Variants in ZFHX3 observed in about 807,000 individuals in gnomAD.
ZFHX3 encodes zinc finger homeobox 3.
Under a neutral mutation model 279.1 loss-of-function variants are expected in ZFHX3, and 42 were observed. The observed-to-expected ratio is 0.15, with a 90% CI of 0.12 to 0.19. ZFHX3 has a LOEUF of 0.19. ZFHX3 is among the 10% of genes least tolerant of loss of function. The pLI, the probability that ZFHX3 is intolerant of heterozygous loss-of-function variation, is 1.00. For synonymous variants in ZFHX3, 2,293 were observed against 1,957.8 expected (o/e 1.17, Z -4.52); for missense variants, 4,981 against 4,754.0 (o/e 1.05, Z -1.40).
Position 73,647,727 on chromosome 16 carries a change from G to A in ZFHX3, c.-1547+32453C>T, listed in dbSNP as rs937636979. 2.0e-5 allele frequency among the ~76,000 whole-genome samples: 3 copies of A among 151,572 alleles called. No individual in the cohort carries two copies. In the East Asian group the frequency reaches 5.8e-4, roughly 29 times the overall value. Reference sequence around the variant, plus strand: ...ATTTTCCAGTTTAGAGTCAAGAAAAGCAGAAGAGAAAAAAAAACAAAAAAG... The same window carrying A: ...ATTTTCCAGTTTAGAGTCAAGAAAAACAGAAGAGAAAAAAAAACAAAAAAG... On this transcript the variant is annotated intron_variant, in intron 2 of 17. Coordinates refer to the ZFHX3 transcript ENST00000641206.
chr16:73,435,721 T>C (rs2017985334), intron 3 of ZFHX3, among the ~76,000 whole-genome samples: 1 of 152,216 alleles, frequency 6.6e-6, no homozygotes, highest in Non-Finnish European at 1.5e-5. Context: ...TCTCACCTGC[T>C]ATCCTAGAAC....
chr16:73,842,124 G>A (rs1258429890), intron 1 of ZFHX3, among the ~76,000 whole-genome samples: 2 of 151,960 alleles, frequency 1.3e-5, no homozygotes, highest in Non-Finnish European at 2.9e-5. Flanking sequence ...GCTGAGGCAG[G>A]AGAATCACTT....
chr16:73,217,582 G>C (rs1429911521), intron 5 of ZFHX3, among the ~76,000 whole-genome samples: 2 of 152,160 alleles, frequency 1.3e-5, no homozygotes, highest in Non-Finnish European at 1.5e-5. Flanking sequence ...CTTTGCAAAT[G>C]TCAAGTGCCT....
rs1567550649 is a variant in ZFHX3 at position 73,682,932 on chromosome 16, A to AAG, written c.-1607-2694_-1607-2693dup. Reference sequence around the variant, plus strand: ...AGAAAGAAAGAGAGAAAGAGAAAGAAAGAAAGAAAGAAAGAAAGAAAGAAA... The same window carrying AAG: ...AGAAAGAAAGAGAGAAAGAGAAAGAAAGAGAAAGAAAGAAAGAAAGAAAGAAA... On this transcript the variant is annotated intron_variant, in intron 1 of 17. Transcript: ENST00000641206. Among the ~76,000 whole-genome samples, 23 of 17,672 alleles carry AAG rather than the reference A, an allele frequency of 1.3e-3. 1 individual carries two copies. The highest frequency in any genetic ancestry group is 2.5e-3 in the South Asian group (1 of 398). 11.6% of individuals were successfully genotyped at this position (17,672 alleles called of 152,430 possible).
intron 2 of ZFHX3, among the ~76,000 whole-genome samples, chr16:73,657,968 G>T (rs541540432): frequency 6.6e-6 from 1 of 152,250 alleles, no homozygotes; most frequent in South Asian, 2.1e-4. Context: ...GTTGACGAAT[G>T]GAATTAATGC....
At chr16:73,751,713 A>G (rs1257061009) in intron 1 of ZFHX3, among the ~76,000 whole-genome samples, 1 of 152,188 alleles carries the variant, frequency 6.6e-6, no homozygotes, top group African/African-American at 2.4e-5. Flanking sequence ...AGAGAATCAT[A>G]AAGTAGGAGC....
At chr16:73,036,426 A>T (rs977864131) in intron 1 of ZFHX3, among the ~76,000 whole-genome samples, 1 of 152,156 alleles carries the variant, frequency 6.6e-6, no homozygotes, top group Non-Finnish European at 1.5e-5. Flanking sequence ...TGTGGGGGGA[A>T]AAGGAGTTTA....
At chr16:73,259,542 T>C (rs945623927) in intron 4 of ZFHX3, among the ~76,000 whole-genome samples, 65 of 152,358 alleles carry the variant, frequency 4.3e-4, no homozygotes, top group African/African-American at 1.4e-3. Context: ...AATATACGAA[T>C]GCATTTTGTA....
chr16:73,174,876 A>G (rs2144871622), intron 5 of ZFHX3, among the ~76,000 whole-genome samples: 1 of 150,668 alleles, frequency 6.6e-6, no homozygotes, highest in Non-Finnish European at 1.5e-5. Context: ...AAAAAAAAAA[A>G]AAAAAAAATT....
chr16:73,025,017 A>G (rs1374745304), intron 1 of ZFHX3, among the ~76,000 whole-genome samples: 3 of 152,170 alleles, frequency 2.0e-5, no homozygotes, highest in African/African-American at 7.2e-5. Context: ...CCTCTCCCAC[A>G]TATGATCTCC....
At chr16:73,591,429 C>A (rs2051994973) in intron 2 of ZFHX3, among the ~76,000 whole-genome samples, 1 of 151,714 alleles carries the variant, frequency 6.6e-6, no homozygotes, top group South Asian at 2.1e-4. Flanking sequence ...TGCGGTGGCT[C>A]ATGCCTGTAA....
chr16:72,886,897 G>C (rs1356683617), intron 4 of ZFHX3, among the ~76,000 whole-genome samples: 2 of 152,158 alleles, frequency 1.3e-5, no homozygotes, highest in Non-Finnish European at 2.9e-5. Context: ...TAGACGGATG[G>C]GATCAGAGGC....
intron 4 of ZFHX3, among the ~76,000 whole-genome samples, chr16:73,316,923 G>C (rs1405480069): frequency 6.6e-6 from 1 of 152,088 alleles, no homozygotes; most frequent in African/African-American, 2.4e-5. Context: ...GCTGATTTTG[G>C]TATCATGCTG....
chr16:73,753,260 C>A (rs914116284), intron 1 of ZFHX3, among the ~76,000 whole-genome samples: 1 of 152,062 alleles, frequency 6.6e-6, no homozygotes, highest in Non-Finnish European at 1.5e-5. Flanking sequence ...CAGGATCTGG[C>A]CCAGACAGGA....
At chr16:72,833,024 A>C (rs1267549966) in intron 4 of ZFHX3, among the ~76,000 whole-genome samples, 1 of 152,244 alleles carries the variant, frequency 6.6e-6, no homozygotes, top group Non-Finnish European at 1.5e-5. Flanking sequence ...TGATTAAAAA[A>C]CAGAGATGCA....
chr16:73,620,998 G>A (rs1186979262), intron 2 of ZFHX3, among the ~76,000 whole-genome samples: 1 of 152,160 alleles, frequency 6.6e-6, no homozygotes, highest in African/African-American at 2.4e-5. Context: ...TGGTCTCCTT[G>A]GGGGAAAAAT....
Position 73,855,620 on chromosome 16 carries a change from A to G in ZFHX3, c.-1608+36031T>C, listed in dbSNP as rs1208608583. ...TACCTTATAATTAATGCAACTTTAT[A>G]GACAAGAGTGAAAAACACAGATTTA... On this transcript the variant is annotated intron_variant, in intron 1 of 17. Transcript: ENST00000641206. 2.6e-5 allele frequency among the ~76,000 whole-genome samples: 4 copies of G among 152,242 alleles called. No homozygotes were observed. In the East Asian group the frequency reaches 7.7e-4, roughly 29 times the overall value.
At chr16:73,790,500 T>C (rs1959791919) in intron 1 of ZFHX3, among the ~76,000 whole-genome samples, 1 of 152,228 alleles carries the variant, frequency 6.6e-6, no homozygotes, top group Admixed American at 6.5e-5. Context: ...ATTTCAACTT[T>C]AAACATTATT....
At chr16:73,537,398 C>T (rs1474561337) in intron 2 of ZFHX3, among the ~76,000 whole-genome samples, 4 of 147,858 alleles carry the variant, frequency 2.7e-5, no homozygotes, top group South Asian at 4.3e-4. Context: ...CTCATTGCAC[C>T]CTCTGCCTCC....
Sources: allele counts gnomAD v4.1 joint callset (sites outside exome capture counted in the v4.1 genomes callset), GRCh38; gene constraint gnomAD v4.1.1; transcripts MANE v1.5; gene names NCBI Gene and HGNC (gene_info 2026-07-23, HGNC 2026-07-21).